Variants in RALY observed in about 807,000 individuals in gnomAD.
RALY encodes the protein RALY heterogeneous nuclear ribonucleoprotein, also known as RNA-binding protein Raly.
A neutral mutation model predicts 30.7 loss-of-function variants in RALY; 15 were observed. The observed-to-expected ratio is 0.49, with a 90% CI of 0.33 to 0.75. The LOEUF (loss-of-function observed/expected upper bound fraction) is 0.75. Among genes scored for constraint, RALY ranks in the 30% least tolerant of loss-of-function variants. The pLI is 0.02. For missense variants in RALY, 339 were observed against 414.3 expected, an observed-to-expected ratio of 0.82 and a Z score of 1.58; for synonymous variants, 177 against 170.8, an observed-to-expected ratio of 1.04 and a Z score of -0.28.
chr20:34,059,782 C>G (rs1224631664), intron 2 of RALY, among the ~76,000 whole-genome samples: 1 of 152,168 alleles, frequency 6.6e-6, no homozygotes, highest in African/African-American at 2.4e-5. Context: ...TACTCAGCCA[C>G]AGAATGTAGG....
At chr20:34,051,644 G>A (rs2033081884) in intron 2 of RALY, among the ~76,000 whole-genome samples, 1 of 152,074 alleles carries the variant, frequency 6.6e-6, no homozygotes, top group Non-Finnish European at 1.5e-5. Flanking sequence ...TGCCCAGGCT[G>A]GAGTGCAGTG....
At chr20:34,049,212 A>G (rs1212142632) in intron 2 of RALY, 1 of 154,066 alleles carries the variant, frequency 6.5e-6, no homozygotes, top group Non-Finnish European at 1.5e-5. Context: ...AGAATTGAGG[A>G]AGAGATGAGA....
chr20:34,084,645 T>G lies in RALY; in HGVS notation c.*4740T>G, dbSNP rs1385501991. The G allele has an allele frequency of 2.6e-5, 4 of 152,270 alleles. No individual in the cohort carries two copies. The highest frequency in any genetic ancestry group is 4.1e-4 in the South Asian group (2 of 4,834). 9.4% of individuals were successfully genotyped at this position (152,270 alleles called of 1,614,324 possible). ...AAGCACTAGCAGCTTCCACTTATTA[T>G]CTCTTGGGACTCTAGCTCTTGGGAC... On this transcript the variant is annotated 3_prime_UTR_variant, in exon 10 of 10. Coordinates refer to ENST00000246194, the MANE Select transcript of RALY (RefSeq NM_016732.3).
At chr20:34,076,061 C>T (rs745999583) in intron 6 of RALY, 21 bp downstream of exon 6, 17 of 1,588,286 alleles carry the variant, frequency 1.1e-5, no homozygotes, top group Admixed American at 7.1e-5. Context: ...GTATCATATT[C>T]CTAAGTAATT....
chr20:34,037,452 C>T (rs1372919044), intron 2 of RALY, among the ~76,000 whole-genome samples: 1 of 152,182 alleles, frequency 6.6e-6, no homozygotes, highest in African/African-American at 2.4e-5. Context: ...TTTGGGGGAC[C>T]ATTCTGAACA....
intron 1 of RALY, among the ~76,000 whole-genome samples, chr20:34,013,837 A>G (rs967024154): frequency 2.0e-5 from 3 of 152,164 alleles, no homozygotes; most frequent in Admixed American, 6.5e-5. Context: ...CACAAATAGT[A>G]CTTACAAAAT....
chr20:34,022,217 C>T (rs1244398907), intron 1 of RALY, among the ~76,000 whole-genome samples: 2 of 151,874 alleles, frequency 1.3e-5, no homozygotes, highest in Non-Finnish European at 2.9e-5. Flanking sequence ...ATGGGAGCCA[C>T]CATGCACAGC....
At chr20:34,032,346 A>G (rs1321597705) in intron 2 of RALY, among the ~76,000 whole-genome samples, 3 of 152,148 alleles carry the variant, frequency 2.0e-5, no homozygotes, top group Admixed American at 6.5e-5. Flanking sequence ...AGTTTCTTCC[A>G]TTCTGCAAAA....
At chr20:34,074,018 CTG>C (rs754231895) in intron 5 of RALY, 152 bp downstream of exon 5, 233 of 787,020 alleles carry the variant, frequency 3.0e-4, no homozygotes, top group Non-Finnish European at 4.4e-4. Flanking sequence ...AGAGCTGAGA[CTG>C]GGGTCCTGTG....
intron 2 of RALY, among the ~76,000 whole-genome samples, chr20:34,060,462 A>T (rs2033383639): frequency 6.6e-6 from 1 of 152,250 alleles, no homozygotes; most frequent in South Asian, 2.1e-4. Context: ...AACCTGTAGC[A>T]GCAGGAGCTA....
intron 2 of RALY, among the ~76,000 whole-genome samples, chr20:34,046,098 T>A (rs1269689668): frequency 2.0e-5 from 3 of 152,224 alleles, no homozygotes; most frequent in African/African-American, 4.8e-5. Flanking sequence ...TTCAGGCCGG[T>A]GTCTTTGAAC....
At chr20:34,028,007 A>G (rs960717018) in intron 1 of RALY, among the ~76,000 whole-genome samples, 60 of 152,172 alleles carry the variant, frequency 3.9e-4, no homozygotes, top group African/African-American at 1.4e-3. Flanking sequence ...AAATCTTATA[A>G]CTGGCTGGGC....
chr20:34,076,152 C>G, intron 6 of RALY, 112 bp downstream of exon 6: 6 of 1,292,132 alleles, frequency 4.6e-6, no homozygotes, highest in Non-Finnish European at 6.4e-6. Context: ...TTCCACAGTT[C>G]TGCTGCTCTA....
rs1408880446 is a variant in RALY at position 34,076,005 on chromosome 20, C to T, written c.509C>T (p.Ser170Phe). The change falls in exon 6 of 10, where the codon TCC becomes TTC. Residue 170 changes from serine to phenylalanine, a missense_variant. Coordinates refer to ENST00000246194, the MANE Select transcript of RALY (RefSeq NM_016732.3). ...TNVPVKLFAR[S>F]TAVTTSSAKI... ...GTACCTGTCAAGCTCTTTGCCCGCT[C>T]CACAGCTGTCACCACCAGCTCAGCC... The T allele has an allele frequency of 6.2e-7, 1 of 1,614,106 alleles. No homozygotes were observed. The highest frequency in any genetic ancestry group is 8.5e-7 in the Non-Finnish European group (1 of 1,180,038).
At chr20:34,054,387 A>AGTATCTG (rs1336236193) in intron 2 of RALY, among the ~76,000 whole-genome samples, 5 of 152,196 alleles carry the variant, frequency 3.3e-5, no homozygotes, top group Non-Finnish European at 5.9e-5. Flanking sequence ...GTCAGCAGAG[A>AGTATCTG]GTATCTGGGT....
intron 1 of RALY, among the ~76,000 whole-genome samples, chr20:34,026,025 G>C (rs1053588423): frequency 2.0e-5 from 3 of 148,936 alleles, no homozygotes; most frequent in Non-Finnish European, 4.4e-5. Context: ...CACAAGGAAC[G>C]ATATACTCCC....
intron 2 of RALY, among the ~76,000 whole-genome samples, chr20:34,067,482 G>GT (rs1301989812): frequency 1.3e-5 from 2 of 152,186 alleles, no homozygotes; most frequent in African/African-American, 4.8e-5. Flanking sequence ...TGTTGTTACT[G>GT]TGACGGCTCT....
At chr20:34,033,217 A>G (rs760157647) in intron 2 of RALY, 3 of 152,116 alleles carry the variant, frequency 2.0e-5, no homozygotes, top group Non-Finnish European at 2.9e-5. Flanking sequence ...CTCACGTCTC[A>G]TGTGTGTACT....
At chr20:34,008,258 G>A (rs1156839002) in intron 1 of RALY, among the ~76,000 whole-genome samples, 3 of 152,122 alleles carry the variant, frequency 2.0e-5, no homozygotes, top group Non-Finnish European at 2.9e-5. Flanking sequence ...TTTGGCAAAG[G>A]TGTTATTGCT....
Sources: allele counts gnomAD v4.1 joint callset (sites outside exome capture counted in the v4.1 genomes callset), GRCh38; gene constraint gnomAD v4.1.1; transcripts MANE v1.5; gene names NCBI Gene and HGNC (gene_info 2026-07-23, HGNC 2026-07-21).